The following NKAIN3 variants were observed in gnomAD, a reference collection of about 807,000 sequenced individuals.
NKAIN3 encodes the protein sodium/potassium transporting ATPase interacting 3, also known as sodium/potassium-transporting ATPase subunit beta-1-interacting protein 3.
In NKAIN3, 25 loss-of-function variants were observed where a neutral mutation model predicts 30.2. That is an observed-to-expected ratio of 0.83 (90% CI 0.60 to 1.16). The LOEUF (loss-of-function observed/expected upper bound fraction) is 1.16. NKAIN3 is among the 50% of genes most tolerant of loss of function. NKAIN3 has a pLI of 0.00. For synonymous variants in NKAIN3, 91 were observed against 89.6 expected (o/e 1.02, Z -0.09); for missense variants, 225 against 254.1 (o/e 0.89, Z 0.78).
At position 62,779,635 on chromosome 8, in the gene NKAIN3, A is replaced by C. The variant is rs188790332; in HGVS notation, c.471+32506A>C. ...TAGACCTAACAGACATTTACAGAAT[A>C]TTTTGTGCAACATTGTCAGAATATA... On this transcript the variant is annotated intron_variant, in intron 4 of 6. Coordinates refer to ENST00000623646, the MANE Select transcript of NKAIN3 (RefSeq NM_001304533.3). Among the ~76,000 whole-genome samples, 12 of 152,318 alleles carry C rather than the reference A, an allele frequency of 7.9e-5. No individual in the cohort carries two copies. In the East Asian group the frequency reaches 2.3e-3, roughly 29 times the overall value.
chr8:62,896,743 A>G (rs1469918560), intron 4 of NKAIN3, among the ~76,000 whole-genome samples: 1 of 152,200 alleles, frequency 6.6e-6, no homozygotes, highest in African/African-American at 2.4e-5. Context: ...AGGCAAGCTT[A>G]GCAGAACCTA....
Position 62,414,646 on chromosome 8 carries a change from A to G in NKAIN3, c.55-164893A>G, listed in dbSNP as rs140615652. On this transcript the variant is annotated intron_variant, in intron 1 of 6. Transcript: ENST00000623646. ...CTTCAACTGGTCTTACAAAGCTTTTATCTGAGTTGGGTACAGGTAAAAAGA... is the reference window on the plus strand; with the variant it reads ...CTTCAACTGGTCTTACAAAGCTTTTGTCTGAGTTGGGTACAGGTAAAAAGA... Among the ~76,000 whole-genome samples, 133 of 152,266 alleles carry G rather than the reference A, an allele frequency of 8.7e-4. 2 individuals carry two copies. The East Asian group carries it at 0.021, about 25-fold the overall frequency.
chr8:62,954,630 G>A (rs1373259965), intron 6 of NKAIN3, among the ~76,000 whole-genome samples: 10 of 152,022 alleles, frequency 6.6e-5, no homozygotes, highest in African/African-American at 2.2e-4. Flanking sequence ...TAAAATACTA[G>A]GAAACATGGA....
At chr8:62,578,999 G>A (rs1273518364) in intron 1 of NKAIN3, among the ~76,000 whole-genome samples, 1 of 151,950 alleles carries the variant, frequency 6.6e-6, no homozygotes, top group African/African-American at 2.4e-5. Context: ...GGTGACTATA[G>A]TCAACAATAA....
intron 3 of NKAIN3, among the ~76,000 whole-genome samples, chr8:62,726,147 T>G (rs1026970415): frequency 1.3e-5 from 2 of 152,168 alleles, no homozygotes; most frequent in Non-Finnish European, 2.9e-5. Context: ...TTATTTGCTG[T>G]TGGCATATAG....
chr8:62,270,830 T>C (rs982026311), intron 1 of NKAIN3, among the ~76,000 whole-genome samples: 3 of 152,178 alleles, frequency 2.0e-5, no homozygotes, highest in Non-Finnish European at 4.4e-5. Flanking sequence ...TTTCTGTGCC[T>C]AGCTCATTTC....
intron 2 of NKAIN3, among the ~76,000 whole-genome samples, chr8:62,585,936 A>T: frequency 6.6e-6 from 1 of 152,324 alleles, no homozygotes; most frequent in East Asian, 1.9e-4. Context: ...TCCTATAATT[A>T]CTTAAATCTT....
chr8:62,995,947 A>C (rs2130936976), intron 5 of NKAIN3, among the ~76,000 whole-genome samples: 1 of 152,358 alleles, frequency 6.6e-6, no homozygotes, highest in African/African-American at 2.4e-5. Flanking sequence ...GGGTGGGCCC[A>C]AAAGTCTGTG....
chr8:62,403,396 G>T (rs1803953439), intron 1 of NKAIN3, among the ~76,000 whole-genome samples: 1 of 152,204 alleles, frequency 6.6e-6, no homozygotes, highest in Non-Finnish European at 1.5e-5. Context: ...GGGCATGTCG[G>T]AGACCTTCAT....
chr8:62,616,762 C>G (rs182569644), intron 3 of NKAIN3, among the ~76,000 whole-genome samples: 6 of 152,192 alleles, frequency 3.9e-5, no homozygotes. Flanking sequence ...TGGTTTCTTC[C>G]TTTAGCAACC....
At chr8:62,675,022 G>A (rs906237281) in intron 3 of NKAIN3, among the ~76,000 whole-genome samples, 1 of 152,160 alleles carries the variant, frequency 6.6e-6, no homozygotes, top group Admixed American at 6.5e-5. Context: ...AAGTGCTGAG[G>A]AACAGTGTAG....
At chr8:62,432,988 A>G (rs1439395040) in intron 1 of NKAIN3, among the ~76,000 whole-genome samples, 1 of 152,176 alleles carries the variant, frequency 6.6e-6, no homozygotes. Flanking sequence ...CATGAGAGCC[A>G]CACTTGAAGT....
intron 1 of NKAIN3, among the ~76,000 whole-genome samples, chr8:62,501,697 AC>A (rs1248479811): frequency 6.6e-6 from 1 of 152,144 alleles, no homozygotes; most frequent in Non-Finnish European, 1.5e-5. Flanking sequence ...TTCCTATGGT[AC>A]CCTAAATGTT....
rs73683429 is a variant in NKAIN3 at position 62,798,783 on chromosome 8, T to C, written c.471+51654T>C. Among the ~76,000 whole-genome samples the C allele has an allele frequency of 9.6e-3, 1,457 of 152,242 alleles. 20 individuals carry two copies. The highest frequency in any genetic ancestry group is 0.033 in the African/African-American group (1,378 of 41,556). ...TTTTGTTTTTTACAACACATAGCCC[T>C]AGCACACTAATACACATAGCAATTA... On this transcript the variant is annotated intron_variant, in intron 4 of 6. Coordinates refer to ENST00000623646, the MANE Select transcript of NKAIN3 (RefSeq NM_001304533.3).
At chr8:62,514,326 T>A (rs1331687712) in intron 1 of NKAIN3, among the ~76,000 whole-genome samples, 1 of 152,114 alleles carries the variant, frequency 6.6e-6, no homozygotes, top group Non-Finnish European at 1.5e-5. Context: ...TATTTCAACC[T>A]ATGAGATGTG....
intron 1 of NKAIN3, among the ~76,000 whole-genome samples, chr8:62,327,197 C>G (rs1585684276): frequency 6.6e-6 from 1 of 151,882 alleles, no homozygotes; most frequent in Non-Finnish European, 1.5e-5. Flanking sequence ...TAGGAGTTCT[C>G]TACATATTTT....
intron 1 of NKAIN3, among the ~76,000 whole-genome samples, chr8:62,420,459 T>G (rs911026536): frequency 6.6e-6 from 1 of 152,182 alleles, no homozygotes; most frequent in Admixed American, 6.5e-5. Flanking sequence ...ATCAGAATAA[T>G]GAGTCCTAGG....
chr8:62,587,336 A>G (rs1810507804), intron 2 of NKAIN3, among the ~76,000 whole-genome samples: 1 of 152,034 alleles, frequency 6.6e-6, no homozygotes, highest in South Asian at 2.1e-4. Flanking sequence ...ACTAGAAGAT[A>G]TTACACAATA....
chr8:62,277,580 ACTGT>A (rs1427609038), intron 1 of NKAIN3, among the ~76,000 whole-genome samples: 1 of 152,088 alleles, frequency 6.6e-6, no homozygotes, highest in Non-Finnish European at 1.5e-5. Context: ...CTTCTCTGAA[ACTGT>A]CTAATATGTA....
Sources: allele counts gnomAD v4.1 joint callset (sites outside exome capture counted in the v4.1 genomes callset), GRCh38; gene constraint gnomAD v4.1.1; transcripts MANE v1.5; gene names NCBI Gene and HGNC (gene_info 2026-07-23, HGNC 2026-07-21).